The following GPT2 variants were observed in gnomAD, a reference collection of about 807,000 sequenced individuals.
The protein encoded by GPT2 is alanine aminotransferase 2.
In GPT2, 30 loss-of-function variants were observed where a neutral mutation model predicts 56.9. The ratio of observed to expected loss-of-function variants is 0.53; its 90% confidence interval spans 0.39 to 0.72. The LOEUF (loss-of-function observed/expected upper bound fraction) is 0.72. Ranked by LOEUF, GPT2 falls within the 30% of genes least tolerant of loss-of-function variation. The probability of loss-of-function intolerance (pLI) is 0.00; values close to 1 mark genes in which losing one functional copy is unlikely to be tolerated. For missense variants in GPT2, 542 were observed against 703.4 expected (o/e 0.77, Z 2.60); for synonymous variants, 271 against 283.1 (o/e 0.96, Z 0.43).
intron 2 of GPT2, among the ~76,000 whole-genome samples, chr16:46,887,442 G>A (rs1487941301): frequency 6.6e-6 from 1 of 152,208 alleles, no homozygotes; most frequent in African/African-American, 2.4e-5. Flanking sequence ...CTCGGCAACA[G>A]AGCTCAGAGC....
intron 8 of GPT2, among the ~76,000 whole-genome samples, chr16:46,919,438 G>A (rs1361778751): frequency 6.6e-6 from 1 of 152,230 alleles, no homozygotes; most frequent in African/African-American, 2.4e-5. Context: ...AAACCCCGAA[G>A]GAGTGTGGTG....
At chr16:46,922,747 A>G (rs1961317211) in intron 9 of GPT2, among the ~76,000 whole-genome samples, 1 of 152,110 alleles carries the variant, frequency 6.6e-6, no homozygotes, top group Non-Finnish European at 1.5e-5. Flanking sequence ...ACGAGGAGGT[A>G]GAGGGGCGCA....
intron 4 of GPT2, among the ~76,000 whole-genome samples, chr16:46,902,916 G>A (rs1023465660): frequency 9.9e-5 from 15 of 152,104 alleles, no homozygotes; most frequent in East Asian, 2.0e-4. Flanking sequence ...GAGCCACCGC[G>A]CCTGGCCACT....
intron 6 of GPT2, among the ~76,000 whole-genome samples, chr16:46,913,422 C>T (rs1485659690): frequency 6.6e-6 from 1 of 152,216 alleles, no homozygotes; most frequent in East Asian, 1.9e-4. Context: ...TCCTCAGAAA[C>T]CAGCCCTTCT....
chr16:46,910,408 ACT>A (rs1228901561), intron 6 of GPT2, among the ~76,000 whole-genome samples: 9 of 149,686 alleles, frequency 6.0e-5, no homozygotes, highest in East Asian at 2.0e-4. Context: ...AAAAAAAAAA[ACT>A]TAGCCAGGTG....
At position 46,909,696 on chromosome 16, in the gene GPT2, A is replaced by C. The variant is rs748267502; in HGVS notation, c.589A>C (p.Ile197Leu). The C allele has an allele frequency of 6.2e-7, 1 of 1,613,388 alleles. No individual in the cohort carries two copies. The highest frequency in any genetic ancestry group is 1.3e-5 in the African/African-American group (1 of 74,932). The change falls in exon 6 of 12, where the codon ATC (isoleucine) becomes CTC (leucine). Residue 197 changes from isoleucine (I) to leucine (L), a missense_variant. Coordinates refer to ENST00000340124, the MANE Select transcript of GPT2 (RefSeq NM_133443.4). ...ASDGISTILKILVSGGGKSRT... is the reference protein window; with the variant it reads ...ASDGISTILKLLVSGGGKSRT... Reference sequence around the variant, plus strand: ...TTCTCTGTTGCAGACGATCCTGAAGATCCTCGTCTCCGGGGGCGGCAAGTC... The same window carrying C: ...TTCTCTGTTGCAGACGATCCTGAAGCTCCTCGTCTCCGGGGGCGGCAAGTC...
chr16:46,901,541 C>T (rs1483316544), intron 4 of GPT2, among the ~76,000 whole-genome samples: 5 of 152,252 alleles, frequency 3.3e-5, no homozygotes, highest in Non-Finnish European at 2.9e-5. Flanking sequence ...GCAGCACCCA[C>T]GCTGGGAATC....
intron 5 of GPT2, among the ~76,000 whole-genome samples, chr16:46,907,644 A>T (rs564343440): frequency 6.6e-6 from 1 of 152,284 alleles, no homozygotes; most frequent in East Asian, 1.9e-4. Flanking sequence ...CAAGGGTCGG[A>T]GTTACCAGGC....
At chr16:46,906,779 T>TTA in intron 4 of GPT2, 63 bp from the exon 5 acceptor site, 1 of 1,594,000 alleles carries the variant, frequency 6.3e-7, no homozygotes, top group South Asian at 1.1e-5. Context: ...TGGATGTTAA[T>TTA]TATATTGACC....
intron 10 of GPT2, among the ~76,000 whole-genome samples, chr16:46,925,161 T>C (rs1961381219): frequency 6.6e-6 from 1 of 152,040 alleles, no homozygotes; most frequent in Admixed American, 6.6e-5. Context: ...GAACCTCCCA[T>C]TTCAGCCTCC....
intron 10 of GPT2, 88 bp from the exon 11 acceptor site, chr16:46,926,837 C>T: frequency 3.7e-6 from 3 of 819,334 alleles, no homozygotes; most frequent in Non-Finnish European, 3.7e-6. Flanking sequence ...GGGAGAGAGA[C>T]CTGCCATTTA....
chr16:46,926,448 CAA>C (rs760611241), intron 10 of GPT2, among the ~76,000 whole-genome samples: 15 of 128,602 alleles, frequency 1.2e-4, no homozygotes, highest in Admixed American at 1.6e-4. Context: ...GACTCTGTTG[CAA>C]AAAAAAAAAA....
chr16:46,907,085 G>A, intron 5 of GPT2, 110 bp downstream of exon 5: 1 of 1,459,208 alleles, frequency 6.9e-7, no homozygotes, highest in Non-Finnish European at 9.4e-7. Flanking sequence ...GGCAGCACGG[G>A]TGGCCACCCT....
intron 9 of GPT2, among the ~76,000 whole-genome samples, chr16:46,923,216 C>T (rs1961332342): frequency 6.6e-6 from 1 of 152,180 alleles, no homozygotes; most frequent in Non-Finnish European, 1.5e-5. Flanking sequence ...AATCCAAGCA[C>T]TTTGGGAGGT....
At chr16:46,894,048 G>C (rs1167729748) in intron 2 of GPT2, among the ~76,000 whole-genome samples, 2 of 152,210 alleles carry the variant, frequency 1.3e-5, no homozygotes, top group Non-Finnish European at 2.9e-5. Flanking sequence ...CCTTGGCTGG[G>C]TGGGCTGGTT....
intron 6 of GPT2, among the ~76,000 whole-genome samples, chr16:46,910,609 T>G (rs1961031533): frequency 6.6e-6 from 1 of 151,934 alleles, no homozygotes; most frequent in Non-Finnish European, 1.5e-5. Context: ...AATTATTATT[T>G]TATAGAGATT....
At chr16:46,888,387 C>T (rs1340092004) in intron 2 of GPT2, among the ~76,000 whole-genome samples, 3 of 152,252 alleles carry the variant, frequency 2.0e-5, no homozygotes, top group African/African-American at 7.2e-5. Context: ...AATTCTGTCA[C>T]CCAGGCTGGA....
At chr16:46,888,590 G>C (rs1032767163) in intron 2 of GPT2, among the ~76,000 whole-genome samples, 1 of 152,028 alleles carries the variant, frequency 6.6e-6, no homozygotes, top group African/African-American at 2.4e-5. Context: ...TTTGTGATCT[G>C]TCTGCCTCAG....
intron 11 of GPT2, among the ~76,000 whole-genome samples, chr16:46,928,288 A>G (rs148025507): frequency 6.6e-6 from 1 of 151,592 alleles, no homozygotes; most frequent in Admixed American, 6.6e-5. Context: ...TGATCACTCT[A>G]CTGCATTCAA....
Sources: gnomAD v4.1 joint callset for allele counts (sites outside exome capture counted in the v4.1 genomes callset) on GRCh38, gnomAD v4.1.1 for gene constraint, MANE v1.5 for transcripts, NCBI Gene and HGNC (gene_info 2026-07-23, HGNC 2026-07-21) for gene names.